Variants in ADGRL4 observed in about 807,000 individuals in gnomAD.
ADGRL4 encodes adhesion G protein-coupled receptor L4.
Under a neutral mutation model 74.8 loss-of-function variants are expected in ADGRL4, and 90 were observed. The ratio of observed to expected loss-of-function variants is 1.20; its 90% CI spans 1.02 to 1.43. ADGRL4 has a LOEUF of 1.43. Among genes scored for constraint, ADGRL4 ranks in the 40% most tolerant of loss-of-function variants. The pLI, the probability that ADGRL4 is intolerant of heterozygous loss-of-function variation, is 0.00. For missense variants in ADGRL4, 881 were observed against 814.3 expected (o/e 1.08, Z -1.00); for synonymous variants, 311 against 279.2 (o/e 1.11, Z -1.14).
chr1:78,931,232 C>T (rs1286204272), intron 7 of ADGRL4, among the ~76,000 whole-genome samples: 1 of 149,532 alleles, frequency 6.7e-6, no homozygotes, highest in Non-Finnish European at 1.5e-5. Flanking sequence ...GAATGGACCT[C>T]TCAGCAGAAA....
chr1:79,006,647 C>A lies in ADGRL4; in HGVS notation c.8G>T (p.Arg3Leu). 6.6e-7 allele frequency: 1 copy of A among 1,515,566 alleles called. No homozygotes were observed. The highest frequency in any genetic ancestry group is 8.8e-7 in the Non-Finnish European group (1 of 1,133,552). The allele number at this position is 1,515,566 out of a possible 1,614,324, so 93.9% of individuals were successfully genotyped here. The change falls in exon 1 of 15, where the codon CGC becomes CTC. Residue 3 changes from arginine (R) to leucine (L), a missense_variant. Coordinates refer to ENST00000370742, the MANE Select transcript of ADGRL4 (RefSeq NM_022159.4). MK[R>L]LPLLVVFSTL... ...TGAGCACTCACCTAGGAGCGGGAGG[C>A]GTTTCATTGGCGGTGGCCGCAGTGG...
At chr1:78,966,871 T>TC (rs1017063171) in intron 2 of ADGRL4, among the ~76,000 whole-genome samples, 11 of 135,206 alleles carry the variant, frequency 8.1e-5, no homozygotes, top group Admixed American at 7.7e-5. Context: ...TTTTCTTTCT[T>TC]TTTTTTTTTT....
intron 2 of ADGRL4, among the ~76,000 whole-genome samples, chr1:78,999,468 G>C (rs1260845270): frequency 6.6e-6 from 1 of 152,130 alleles, no homozygotes; most frequent in Admixed American, 6.5e-5. Context: ...AGCTACTCGG[G>C]AGGCTGAGGC....
At chr1:78,916,001 A>G (rs2100667162) in intron 12 of ADGRL4, among the ~76,000 whole-genome samples, 1 of 151,968 alleles carries the variant, frequency 6.6e-6, no homozygotes, top group Admixed American at 6.6e-5. Flanking sequence ...CCTGGAAATG[A>G]TTATCATACA....
chr1:78,974,098 T>C (rs536900040), intron 2 of ADGRL4, among the ~76,000 whole-genome samples: 2 of 152,278 alleles, frequency 1.3e-5, no homozygotes, highest in South Asian at 4.1e-4. Flanking sequence ...CTCTGTCATG[T>C]TGTCTTCCTG....
chr1:78,999,639 A>G (rs763405788), intron 2 of ADGRL4, among the ~76,000 whole-genome samples: 15 of 152,142 alleles, frequency 9.9e-5, no homozygotes, highest in Non-Finnish European at 1.5e-4. Context: ...GCTTCAAAAT[A>G]TATGGCAGAA....
chr1:78,897,624 A>G (rs1648424821), intron 12 of ADGRL4, among the ~76,000 whole-genome samples: 1 of 152,180 alleles, frequency 6.6e-6, no homozygotes, highest in African/African-American at 2.4e-5. Flanking sequence ...CAACAGTCAT[A>G]ACAAGTTTTT....
intron 3 of ADGRL4, among the ~76,000 whole-genome samples, chr1:78,943,876 C>T (rs1452346668): frequency 6.6e-6 from 1 of 152,034 alleles, no homozygotes; most frequent in African/African-American, 2.4e-5. Flanking sequence ...CAGGTAGAAA[C>T]AGAAGGGCTC....
At chr1:78,906,938 C>T (rs1423833599) in intron 12 of ADGRL4, among the ~76,000 whole-genome samples, 4 of 151,914 alleles carry the variant, frequency 2.6e-5, no homozygotes, top group Non-Finnish European at 5.9e-5. Context: ...AAAAAATGCT[C>T]TAATAATTTG....
rs1420058461 is a variant in ADGRL4 at position 78,920,404 on chromosome 1, T to C, written c.1258-18A>G. 1.4e-6 allele frequency: 2 copies of C among 1,469,786 alleles called. No individual in the cohort carries two copies. The highest frequency in any genetic ancestry group is 1.8e-5 in the Admixed American group (1 of 55,000). 91.0% of individuals were successfully genotyped at this position (1,469,786 alleles called of 1,614,324 possible). On this transcript the variant is annotated intron_variant, in intron 9 of 14. Coordinates refer to ENST00000370742, the MANE Select transcript of ADGRL4 (RefSeq NM_022159.4). ...TTAATACCCTAAGGGAAAATAATAA[T>C]AAAGCAGTTAAAAGAATAACTCACT...
intron 2 of ADGRL4, among the ~76,000 whole-genome samples, chr1:78,981,218 A>T (rs1450988710): frequency 6.6e-6 from 1 of 151,914 alleles, no homozygotes; most frequent in Non-Finnish European, 1.5e-5. Context: ...GAAAAATATC[A>T]ACTGATTAAT....
chr1:79,004,703 A>G (rs12404726), intron 2 of ADGRL4, among the ~76,000 whole-genome samples: 60,004 of 151,832 alleles, frequency 0.4, 12,691 homozygotes, highest in Middle Eastern at 0.48. Flanking sequence ...AAAAATACTT[A>G]TATACTTGGT....
chr1:78,951,638 G>A (rs114249546), intron 2 of ADGRL4, among the ~76,000 whole-genome samples: 2,175 of 152,202 alleles, frequency 0.014, 54 homozygotes, highest in African/African-American at 0.05. Flanking sequence ...TCTGTTAAAT[G>A]GTACATTTTA....
intron 2 of ADGRL4, among the ~76,000 whole-genome samples, chr1:78,999,959 C>A (rs1342149934): frequency 8.3e-6 from 1 of 120,474 alleles, no homozygotes; most frequent in African/African-American, 3.2e-5. Context: ...ACCCAGAAGG[C>A]ATTTTTTTGT....
intron 8 of ADGRL4, among the ~76,000 whole-genome samples, chr1:78,926,373 G>A (rs1032270): frequency 0.48 from 72,435 of 151,704 alleles, 17,858 homozygotes; most frequent in Middle Eastern, 0.55. Context: ...CTTTAATTAT[G>A]TATGAGTCTG....
At chr1:78,895,447 A>G (rs1193569654) in intron 12 of ADGRL4, among the ~76,000 whole-genome samples, 1 of 151,990 alleles carries the variant, frequency 6.6e-6, no homozygotes, top group Non-Finnish European at 1.5e-5. Context: ...TAAATCTACA[A>G]ACTGTGATAA....
chr1:78,907,814 A>G (rs1022583569), intron 12 of ADGRL4, among the ~76,000 whole-genome samples: 5 of 152,000 alleles, frequency 3.3e-5, no homozygotes, highest in African/African-American at 1.2e-4. Flanking sequence ...GAGCTCTTGA[A>G]AAAAAGAAGG....
chr1:78,995,027 G>A (rs1268768279), intron 2 of ADGRL4, among the ~76,000 whole-genome samples: 6 of 152,054 alleles, frequency 3.9e-5, no homozygotes, highest in African/African-American at 7.2e-5. Context: ...TGTTAGTTAC[G>A]TGGTAATTAT....
intron 6 of ADGRL4, among the ~76,000 whole-genome samples, 187 bp from the exon 7 acceptor site, chr1:78,936,598 A>C (rs115871578): frequency 0.013 from 2,032 of 152,240 alleles, 47 homozygotes; most frequent in African/African-American, 0.047. Flanking sequence ...CTCAAGTTTT[A>C]ATTTTTTAAT....
Sources: gnomAD v4.1 joint callset for allele counts (sites outside exome capture counted in the v4.1 genomes callset) on GRCh38, gnomAD v4.1.1 for gene constraint, MANE v1.5 for transcripts, NCBI Gene and HGNC (gene_info 2026-07-23, HGNC 2026-07-21) for gene names.